Variants in ETFBKMT observed in about 807,000 individuals in gnomAD.
ETFBKMT encodes the protein electron transfer flavoprotein subunit beta lysine methyltransferase, also known as electron transfer flavoprotein beta subunit lysine methyltransferase.
A neutral mutation model predicts 18.3 loss-of-function variants in ETFBKMT; 13 were observed. The observed-to-expected ratio is 0.71, with a 90% confidence interval of 0.46 to 1.13. The LOEUF is 1.13. Ranked by LOEUF, ETFBKMT falls within the 50% of genes most tolerant of loss-of-function variation. ETFBKMT has a pLI of 0.00. For synonymous variants in ETFBKMT, 84 were observed against 107.9 expected (o/e 0.78, Z 1.37); for missense variants, 293 against 306.2 (o/e 0.96, Z 0.32).
In ETFBKMT at chr12:31,671,837, G is replaced by T. The variant is rs1034558804; in HGVS notation, c.*3847G>T. The T allele has an allele frequency of 6.5e-6, 1 of 153,128 alleles. No homozygotes were observed. The highest frequency in any genetic ancestry group is 1.9e-4 in the East Asian group (1 of 5,200). 9.5% of individuals were successfully genotyped at this position (153,128 alleles called of 1,614,324 possible). A position where few individuals can be genotyped will look rare whatever the true frequency, so the allele number is the denominator to read the frequency against. ...GTTCAGGTCTGCTTTTGGCAAATGG[G>T]CATTTAAATACTCCAAGAAGGTAAG... On this transcript the variant is annotated 3_prime_UTR_variant, in exon 4 of 4. Transcript: ENST00000357721.
At chr12:31,651,092 G>A (rs1294111633) in intron 1 of ETFBKMT, among the ~76,000 whole-genome samples, 2 of 152,018 alleles carry the variant, frequency 1.3e-5, no homozygotes, top group Non-Finnish European at 2.9e-5. Context: ...TAACATCAAG[G>A]CCACTTGACC....
In ETFBKMT at chr12:31,672,108, C is replaced by G; in HGVS notation, c.*4118C>G. 1 of 502,208 alleles carries G rather than the reference C, an allele frequency of 2.0e-6. No individual in the cohort carries two copies. The highest frequency in any genetic ancestry group is 1.9e-5 in the African/African-American group (1 of 52,116). The allele number at this position is 502,208 out of a possible 1,614,324, so 31.1% of individuals were successfully genotyped here. On this transcript the variant is annotated 3_prime_UTR_variant, in exon 4 of 4. Transcript: ENST00000357721. ...ATCCAACAGATATAGAATAATAGCA[C>G]TTTAAAGATGTTTAAGAGTAAAGCA...
intron 1 of ETFBKMT, among the ~76,000 whole-genome samples, chr12:31,649,577 C>T (rs1391147248): frequency 1.3e-5 from 2 of 151,878 alleles, no homozygotes; most frequent in Non-Finnish European, 2.9e-5. Flanking sequence ...GTAATCCTCA[C>T]AGTATTTAAA....
In ETFBKMT at chr12:31,668,736, A is replaced by AC. The variant is rs1951230423; in HGVS notation, c.*749dup. ...TCAAACTCCTGACCTCAGGTGATCC[A>AC]CCCGCCTTGGCCTCCCAAAGTGCTA... is the stretch of plus-strand genomic sequence containing the variant. On this transcript the variant is annotated 3_prime_UTR_variant, in exon 4 of 4. Transcript: ENST00000357721. 6.6e-6 allele frequency: 1 copy of AC among 151,882 alleles called. No homozygotes were observed. The highest frequency in any genetic ancestry group is 1.5e-5 in the Non-Finnish European group (1 of 67,980). 9.4% of individuals were successfully genotyped at this position (151,882 alleles called of 1,614,324 possible).
chr12:31,657,791 C>CAAAAA (rs777612236), upstream of ETFBKMT, among the ~76,000 whole-genome samples: 123 of 44,896 alleles, frequency 2.7e-3, no homozygotes, highest in Middle Eastern at 0.011. Context: ...GACTTCATCT[C>CAAAAA]AAAAAAAAAA....
intron 3 of ETFBKMT, among the ~76,000 whole-genome samples, chr12:31,667,300 G>T (rs182185797): frequency 6.6e-6 from 1 of 152,294 alleles, no homozygotes; most frequent in Admixed American, 6.5e-5. Context: ...CAGCCAAGGG[G>T]TCTCAGTTCT....
At chr12:31,652,141 A>G (rs1036685468) in intron 1 of ETFBKMT, among the ~76,000 whole-genome samples, 2 of 152,208 alleles carry the variant, frequency 1.3e-5, no homozygotes, top group Non-Finnish European at 2.9e-5. Flanking sequence ...AGCCCTATGT[A>G]AATCAGACAC....
intron 3 of ETFBKMT, 58 bp from the exon 4 acceptor site, chr12:31,667,589 A>G: frequency 8.4e-7 from 1 of 1,192,426 alleles, no homozygotes; most frequent in Non-Finnish European, 1.2e-6. Context: ...TTTAATCAAC[A>G]TGGAATTATA....
chr12:31,653,245 C>T (rs1266853510), intron 1 of ETFBKMT, among the ~76,000 whole-genome samples: 1 of 150,090 alleles, frequency 6.7e-6, no homozygotes, highest in Non-Finnish European at 1.5e-5. Context: ...TGTGTAGTAA[C>T]ATTGTGGGTG....
upstream of ETFBKMT, chr12:31,659,096 CCAGGTGAGGT>C (rs1398378611): frequency 2.0e-5 from 3 of 152,284 alleles, no homozygotes; most frequent in African/African-American, 4.8e-5. Context: ...CCCTTATTTT[CCAGGTGAGGT>C]CAGGGCGCCC....
upstream of ETFBKMT, among the ~76,000 whole-genome samples, chr12:31,657,650 G>T (rs1299764779): frequency 3.3e-5 from 5 of 151,906 alleles, no homozygotes; most frequent in Non-Finnish European, 7.4e-5. Flanking sequence ...AAATTAGCTG[G>T]GTGTGGTGGT....
intron 1 of ETFBKMT, among the ~76,000 whole-genome samples, chr12:31,649,100 C>T (rs145016994): frequency 7.2e-4 from 109 of 152,338 alleles, no homozygotes; most frequent in Non-Finnish European, 1.3e-3. Context: ...TACAGGCGCC[C>T]ACCACCATGC....
At chr12:31,661,226 C>T (rs1367899626) in intron 1 of ETFBKMT, among the ~76,000 whole-genome samples, 3 of 152,036 alleles carry the variant, frequency 2.0e-5, no homozygotes, top group Non-Finnish European at 2.9e-5. Flanking sequence ...CAGGGGATAC[C>T]GGAACCAATC....
At chr12:31,653,081 C>T (rs1436448620) in intron 1 of ETFBKMT, among the ~76,000 whole-genome samples, 2 of 152,120 alleles carry the variant, frequency 1.3e-5, no homozygotes, top group African/African-American at 2.4e-5. Flanking sequence ...TGGCGGCATG[C>T]GCCTGTAGTC....
rs1592141218 is a variant in ETFBKMT, at chr12:31,671,299, T to A, written c.*3309T>A. On this transcript the variant is annotated 3_prime_UTR_variant, in exon 4 of 4. Transcript: ENST00000357721. ...TATAAACATACCACATTTATAAATCTTGTAAGGACAAGAAATGGAGTTGAA... is the reference window on the plus strand; with the variant it reads ...TATAAACATACCACATTTATAAATCATGTAAGGACAAGAAATGGAGTTGAA... 1 of 152,190 alleles carries A rather than the reference T, an allele frequency of 6.6e-6. No homozygotes were observed. Among genetic ancestry groups the A allele is most frequent in the African/African-American group, 2.4e-5 (1 of 41,454 alleles). The allele number at this position is 152,190 out of a possible 1,614,324, so 9.4% of individuals were successfully genotyped here. A position where few individuals can be genotyped will look rare whatever the true frequency, so the allele number is the denominator to read the frequency against.
chr12:31,663,142 G>A (rs527860798), intron 2 of ETFBKMT, among the ~76,000 whole-genome samples: 2 of 152,040 alleles, frequency 1.3e-5, no homozygotes, highest in South Asian at 4.2e-4. Flanking sequence ...ACCCAGGCTG[G>A]AGTGCAGTGG....
At position 31,662,325 on chromosome 12, in the gene ETFBKMT, C is replaced by T. The variant is rs1023935370; in HGVS notation, c.314+58C>T. On this transcript the variant is annotated intron_variant, in intron 2 of 3. Transcript: ENST00000357721. ...AGATCTTTGCTGTTTTCAGTTCCCT[C>T]CAACCTCTACAAAAAACCAGAGCAA... 3.3e-6 allele frequency: 5 copies of T among 1,520,824 alleles called. No individual in the cohort carries two copies. The African/African-American group carries it at 6.9e-5, about 21-fold the overall frequency. 94.2% of individuals were successfully genotyped at this position (1,520,824 alleles called of 1,614,324 possible).
At chr12:31,666,374 C>G (rs1283670086) in intron 3 of ETFBKMT, among the ~76,000 whole-genome samples, 157 bp downstream of exon 3, 4 of 152,140 alleles carry the variant, frequency 2.6e-5, no homozygotes, top group Admixed American at 1.3e-4. Context: ...TAGGAATCCC[C>G]TGAGGTCTGA....
intron 1 of ETFBKMT, among the ~76,000 whole-genome samples, chr12:31,653,089 G>C (rs1358569505): frequency 1.3e-5 from 2 of 151,944 alleles, no homozygotes; most frequent in Admixed American, 1.3e-4. Flanking sequence ...TGCGCCTGTA[G>C]TCCCAGCTAC....
Sources: allele counts gnomAD v4.1 joint callset (sites outside exome capture counted in the v4.1 genomes callset), GRCh38; gene constraint gnomAD v4.1.1; transcripts MANE v1.5; gene names NCBI Gene and HGNC (gene_info 2026-07-23, HGNC 2026-07-21).